AKAP3: variants seen among roughly 807,000 people sequenced by gnomAD.
The protein encoded by AKAP3 is A-kinase anchoring protein 3.
AKAP3 carries 27 observed loss-of-function variants against 57.2 expected under a neutral mutation model. The ratio of observed to expected loss-of-function variants is 0.47; its 90% CI spans 0.35 to 0.65. AKAP3 has a LOEUF of 0.65. Ranked by LOEUF, AKAP3 falls within the 30% of genes least tolerant of loss-of-function variation. The pLI, the probability that AKAP3 is intolerant of heterozygous loss-of-function variation, is 0.01. For synonymous variants in AKAP3, 334 were observed against 392.3 expected, an observed-to-expected ratio of 0.85 and a Z score of 1.76; for missense variants, 959 against 1,040.0, an observed-to-expected ratio of 0.92 and a Z score of 1.07.
At chr12:4,622,756 A>C (rs915143190) in intron 5 of AKAP3, among the ~76,000 whole-genome samples, 2 of 152,240 alleles carry the variant, frequency 1.3e-5, no homozygotes, top group Non-Finnish European at 2.9e-5. Context: ...AAGCAACTGC[A>C]ACAAGAGCAA....
chr12:4,624,118 CT>C (rs1262372376), intron 5 of AKAP3, among the ~76,000 whole-genome samples: 3 of 152,002 alleles, frequency 2.0e-5, no homozygotes, highest in Non-Finnish European at 4.4e-5. Context: ...TGTAGCATTG[CT>C]TACAGTGCAG....
At chr12:4,634,817 G>A (rs1945543914) in intron 4 of AKAP3, among the ~76,000 whole-genome samples, 1 of 150,730 alleles carries the variant, frequency 6.6e-6, no homozygotes, top group South Asian at 2.1e-4. Context: ...TTTTATATGT[G>A]GGATTATTTT....
intron 3 of AKAP3, 78 bp from the exon 4 acceptor site, chr12:4,638,274 G>C: frequency 1.9e-6 from 2 of 1,027,290 alleles, no homozygotes; most frequent in Non-Finnish European, 1.5e-6. Flanking sequence ...TGTGGTAAAG[G>C]GCTAAAGCAC....
At chr12:4,634,203 A>T (rs1448000835) in intron 4 of AKAP3, among the ~76,000 whole-genome samples, 1 of 152,176 alleles carries the variant, frequency 6.6e-6, no homozygotes, top group Non-Finnish European at 1.5e-5. Context: ...AATAAAATGA[A>T]GGTTGGAAAA....
intron 5 of AKAP3, among the ~76,000 whole-genome samples, chr12:4,617,438 T>G (rs1424322977): frequency 6.6e-6 from 1 of 152,224 alleles, no homozygotes; most frequent in Non-Finnish European, 1.5e-5. Context: ...AATAGTAGGC[T>G]ATCCTCTTCA....
rs1295053056 is a variant in AKAP3 at position 4,626,658 on chromosome 12, G to A, written c.2244C>T (p.Pro748=). 2 of 1,614,110 alleles carry A rather than the reference G, an allele frequency of 1.2e-6. No individual in the cohort carries two copies. Among genetic ancestry groups the A allele is most frequent in the South Asian group, 1.1e-5 (1 of 91,084 alleles). ...HNEMRGTSGQ[P]PEGCAAPTVI... is the part of the protein sequence containing the mutation. Reference sequence around the variant, plus strand: ...CCGTGGGTGCTGCACACCCTTCAGGGGGCTGTCCTGATGTGCCTCTCATTT... The same window carrying A: ...CCGTGGGTGCTGCACACCCTTCAGGAGGCTGTCCTGATGTGCCTCTCATTT... The change falls in exon 5 of 6, where the codon CCC becomes CCT. Residue 748 remains proline (P), a synonymous_variant. Transcript: ENST00000228850.
intron 4 of AKAP3, among the ~76,000 whole-genome samples, chr12:4,633,215 G>C (rs991064015): frequency 1.1e-4 from 16 of 151,560 alleles, no homozygotes; most frequent in Non-Finnish European, 2.1e-4. Flanking sequence ...CTTGAGCTCA[G>C]GAGTTTGAGA....
Position 4,628,598 on chromosome 12 carries a change from T to C in AKAP3, c.304A>G (p.Thr102Ala), listed in dbSNP as rs1213190755. 1.9e-6 allele frequency: 3 copies of C among 1,614,056 alleles called. No homozygotes were observed. The highest frequency in any genetic ancestry group is 1.1e-5 in the South Asian group (1 of 91,090). ...CCCTGGCAAGGAATCTCTTTGTGAG[T>C]CATCTCAAAATGCAATCTTTCTGGA... ...GTPERLHFEMTHKEIPCQGPR... is the reference protein window; with the variant it reads ...GTPERLHFEMAHKEIPCQGPR... The change falls in exon 5 of 6, where the codon ACT becomes GCT. Residue 102 changes from threonine (T) to alanine (A), a missense_variant. Coordinates refer to ENST00000228850, the MANE Select transcript of AKAP3 (RefSeq NM_001278309.2).
rs370019654 is a variant in AKAP3, at chr12:4,627,579, C to G, written c.1323G>C (p.Glu441Asp). The change falls in exon 5 of 6, where the codon GAG (glutamate) becomes GAC (aspartate). Residue 441 changes from glutamate to aspartate, a missense_variant. By Grantham distance (45) the Glu-to-Asp change is conservative. Coordinates refer to ENST00000228850, the MANE Select transcript of AKAP3 (RefSeq NM_001278309.2). ...CCAGAGTTTTCGCACAAGTCTCCTC[C>G]TCTGATTTGGGTTCAGAATACATTT... Reference protein sequence around the residue: ...REKMYSEPKSEEETCAKTLGE... With the variant: ...REKMYSEPKSDEETCAKTLGE... 3.5e-5 allele frequency: 57 copies of G among 1,614,058 alleles called. No individual in the cohort carries two copies. Among genetic ancestry groups the G allele is most frequent in the East Asian group, 2.9e-4 (13 of 44,886 alleles).
At chr12:4,628,955 G>T in intron 4 of AKAP3, 150 bp from the exon 5 acceptor site, 1 of 700,848 alleles carries the variant, frequency 1.4e-6, no homozygotes, top group Non-Finnish European at 2.3e-6. Context: ...AGTACTCACT[G>T]TGTATCAGAC....
At chr12:4,626,126 A>T (rs1945409124) in intron 5 of AKAP3, among the ~76,000 whole-genome samples, 1 of 152,116 alleles carries the variant, frequency 6.6e-6, no homozygotes, top group South Asian at 2.1e-4. Context: ...AACACATCCC[A>T]GGGCTACTTT....
intron 5 of AKAP3, among the ~76,000 whole-genome samples, chr12:4,620,893 C>T (rs1945340229): frequency 6.6e-6 from 1 of 152,184 alleles, no homozygotes; most frequent in Non-Finnish European, 1.5e-5. Context: ...TTTTAGTCTA[C>T]TCCTTCTACT....
At chr12:4,620,607 G>A (rs1397812659) in intron 5 of AKAP3, among the ~76,000 whole-genome samples, 1 of 151,728 alleles carries the variant, frequency 6.6e-6, no homozygotes, top group East Asian at 1.9e-4. Flanking sequence ...GCATAATGAT[G>A]TTTCAGTGAA....
intron 4 of AKAP3, among the ~76,000 whole-genome samples, chr12:4,632,864 TCTC>T (rs1945516042): frequency 1.3e-5 from 2 of 152,116 alleles, no homozygotes; most frequent in South Asian, 4.1e-4. Context: ...ATGGTCTCGA[TCTC>T]CTGACCTCGT....
rs139466502 is a variant in AKAP3 at position 4,625,571 on chromosome 12, G to A, written c.2406+925C>T. Among the ~76,000 whole-genome samples, 346 of 152,208 alleles carry A rather than the reference G, an allele frequency of 2.3e-3. No individual in the cohort carries two copies. Among genetic ancestry groups the A allele is most frequent in the African/African-American group, 7.3e-3 (305 of 41,522 alleles). On this transcript the variant is annotated intron_variant, in intron 5 of 5. Transcript: ENST00000228850. This position sits in a 1 kb window ranked among gnomAD's most constrained non-coding sequence, Gnocchi z 5.4. ...TTCCTTATCTTCTGATTCCTATGAT[G>A]ATGAAATTTTCTAAATAATTCTAGC...
chr12:4,626,972 C>G lies in AKAP3; in HGVS notation c.1930G>C (p.Asp644His). ...CCAGAAAGGGCACCAGGGGTCTCATCATCCTCATATAGCCTGGGGGGAGAA... is the reference window on the plus strand; with the variant it reads ...CCAGAAAGGGCACCAGGGGTCTCATGATCCTCATATAGCCTGGGGGGAGAA... ...ASSPPRLYEDDETPGALSGLT... is the reference protein window; with the variant it reads ...ASSPPRLYEDHETPGALSGLT... Residue 644 changes from aspartate to histidine, a missense_variant, in exon 5 of 6, where the codon GAT becomes CAT. Asp to His is a moderately conservative substitution (Grantham distance 81). Transcript: ENST00000228850. 1.9e-6 allele frequency: 3 copies of G among 1,614,176 alleles called. No homozygotes were observed. The highest frequency in any genetic ancestry group is 2.5e-6 in the Non-Finnish European group (3 of 1,180,034).
At chr12:4,617,639 C>A (rs932191019) in intron 5 of AKAP3, among the ~76,000 whole-genome samples, 1 of 151,814 alleles carries the variant, frequency 6.6e-6, no homozygotes, top group Non-Finnish European at 1.5e-5. Context: ...GTAATCCCAG[C>A]TACTCGAGAG....
chr12:4,628,940 T>C (rs1390888710), intron 4 of AKAP3, 135 bp from the exon 5 acceptor site: 2 of 790,522 alleles, frequency 2.5e-6, no homozygotes. Context: ...AGTAACCATT[T>C]ATTAAGTACT....
chr12:4,621,935 G>C lies in AKAP3; in HGVS notation c.2406+4561C>G, dbSNP rs372627753. ...ACCAATCAAAGGACCAATGGCAAAGGAAACATTTGTATTTAATATCATAAA... is the reference window on the plus strand; with the variant it reads ...ACCAATCAAAGGACCAATGGCAAAGCAAACATTTGTATTTAATATCATAAA... On this transcript the variant is annotated intron_variant, in intron 5 of 5. Transcript: ENST00000228850. Among the ~76,000 whole-genome samples the C allele has an allele frequency of 1.8e-4, 27 of 152,108 alleles. No individual in the cohort carries two copies. In the East Asian group the frequency reaches 4.8e-3, roughly 27 times the overall value.
Sources: gnomAD v4.1 joint callset for allele counts (sites outside exome capture counted in the v4.1 genomes callset) on GRCh38, gnomAD v4.1.1 for gene constraint, Gnocchi (gnomAD v3.1) non-coding constraint, MANE v1.5 for transcripts, NCBI Gene and HGNC (gene_info 2026-07-23, HGNC 2026-07-21) for gene names.